The following GGTA1 variants were observed in gnomAD, a reference collection of about 807,000 sequenced individuals.
GGTA1 encodes the protein glycoprotein alpha-galactosyltransferase 1 (inactive), also known as inactive N-acetyllactosaminide alpha-1,3-galactosyltransferase.
In GGTA1, 5 loss-of-function variants were observed where a neutral mutation model predicts 2.6. That is an observed-to-expected ratio of 1.92 (90% CI 1.00 to 4.04). GGTA1 has a LOEUF of 4.04. Ranked by LOEUF, GGTA1 falls within the 30% of genes most tolerant of loss-of-function variation. The probability of loss-of-function intolerance (pLI) is 0.00; values close to 1 mark genes in which losing one functional copy is unlikely to be tolerated. For synonymous variants in GGTA1, 17 were observed against 5.0 expected (o/e 3.38, Z -3.19); for missense variants, 50 against 16.7 (o/e 2.99, Z -3.47).
chr9:121,482,263 A>G (rs1828669429), intron 1 of GGTA1, among the ~76,000 whole-genome samples: 1 of 151,474 alleles, frequency 6.6e-6, no homozygotes, highest in Admixed American at 6.6e-5. Flanking sequence ...AGCCCAGGAG[A>G]TGGAGACCAG....
intron 1 of GGTA1, among the ~76,000 whole-genome samples, chr9:121,479,805 C>A (rs1258758178): frequency 6.6e-6 from 1 of 152,166 alleles, no homozygotes; most frequent in East Asian, 1.9e-4. Flanking sequence ...AAAGTTAAGT[C>A]CTTCCTCTAC....
At chr9:121,475,408 C>A (rs945758133) in intron 1 of GGTA1, among the ~76,000 whole-genome samples, 1 of 152,144 alleles carries the variant, frequency 6.6e-6, no homozygotes. Flanking sequence ...AGCAGCCATT[C>A]TTTTATTCCT....
At chr9:121,465,692 C>A (rs1348950913) in intron 2 of GGTA1, among the ~76,000 whole-genome samples, 2 of 152,090 alleles carry the variant, frequency 1.3e-5, no homozygotes, top group Non-Finnish European at 2.9e-5. Flanking sequence ...TCTTGGACTC[C>A]CCAGCCTCTA....
intron 1 of GGTA1, among the ~76,000 whole-genome samples, chr9:121,492,955 C>T (rs1828901288): frequency 6.6e-6 from 1 of 151,716 alleles, no homozygotes; most frequent in Admixed American, 6.6e-5. Context: ...ACCAGCCTGG[C>T]CAACATGGGG....
At chr9:121,462,412 CA>C (rs2064968073) in intron 3 of GGTA1, among the ~76,000 whole-genome samples, 1 of 152,102 alleles carries the variant, frequency 6.6e-6, no homozygotes, top group Non-Finnish European at 1.5e-5. Flanking sequence ...GTCCGATGGA[CA>C]AATACGGTGG....
intron 5 of GGTA1, 77 bp downstream of exon 5, chr9:121,460,027 A>C: frequency 4.5e-6 from 2 of 440,956 alleles, no homozygotes; most frequent in South Asian, 3.3e-5. Context: ...TCTCAATGGC[A>C]CTGTTGCCTC....
chr9:121,479,083 G>A (rs1458612015), intron 1 of GGTA1: 11 of 456,434 alleles, frequency 2.4e-5, no homozygotes, highest in East Asian at 7.0e-5. Flanking sequence ...TCCCTGAGCC[G>A]GCATCCTTCT....
At chr9:121,478,783 T>C (rs1348164080) in intron 1 of GGTA1, among the ~76,000 whole-genome samples, 1 of 152,176 alleles carries the variant, frequency 6.6e-6, no homozygotes, top group African/African-American at 2.4e-5. Flanking sequence ...TTCTCTCGAA[T>C]CCCCTTTGGG....
At chr9:121,454,783 C>T (rs1156430929), downstream of GGTA1, among the ~76,000 whole-genome samples, 4 of 152,096 alleles carry the variant, frequency 2.6e-5, no homozygotes, top group South Asian at 2.1e-4. Flanking sequence ...GAGGCCAAGG[C>T]GGGTGGATCA....
intron 2 of GGTA1, among the ~76,000 whole-genome samples, chr9:121,465,019 C>CA (rs1175876346): frequency 9.0e-5 from 12 of 132,758 alleles, no homozygotes; most frequent in Non-Finnish European, 2.0e-4. Context: ...AAAAAAAAAA[C>CA]AAAAAACAAC....
In GGTA1 at chr9:121,455,479, T is replaced by G. The variant is rs1387640334; in HGVS notation, c.*358A>C. On this transcript the variant is annotated 3_prime_UTR_variant, in exon 6 of 6. Transcript: ENST00000481799. ...AGTGCTTGACTTTTATTCTCTCATT[T>G]GATCTTCATGACCATTCTATGAAGT... is the stretch of plus-strand genomic sequence containing the variant. 6.5e-6 allele frequency: 1 copy of G among 154,412 alleles called. No individual in the cohort carries two copies. The highest frequency in any genetic ancestry group is 1.4e-5 in the Non-Finnish European group (1 of 69,202). The allele number at this position is 154,412 out of a possible 1,614,324, so 9.6% of individuals were successfully genotyped here.
intron 3 of GGTA1, chr9:121,462,571 G>A (rs982718747): frequency 6.6e-6 from 1 of 151,996 alleles, no homozygotes; most frequent in Non-Finnish European, 1.5e-5. Flanking sequence ...AACAGAAAGA[G>A]ATACATTGAT....
intron 1 of GGTA1, among the ~76,000 whole-genome samples, chr9:121,486,796 T>C (rs73661737): frequency 2.1e-3 from 314 of 152,374 alleles, no homozygotes; most frequent in African/African-American, 7.2e-3. Context: ...GGCTAGAATA[T>C]GTCCAGCATG....
intron 2 of GGTA1, among the ~76,000 whole-genome samples, chr9:121,467,339 C>T (rs1466858164): frequency 1.3e-5 from 2 of 152,190 alleles, no homozygotes; most frequent in South Asian, 2.1e-4. Context: ...CACCCACACA[C>T]ACTCTCTCTC....
chr9:121,445,283 TTTTTCAAAGCCCTGCTTTTTCC>T (rs1190901978), exon 8 of GGTA1: 9 of 152,334 alleles, frequency 5.9e-5, no homozygotes, highest in African/African-American at 2.2e-4. Context: ...TGTGATCTAC[TTTTTCAAAGCCCTGCTTTTTCC>T]TTTTCAAAGC....
chr9:121,482,162 C>T (rs1828667472), intron 1 of GGTA1, among the ~76,000 whole-genome samples: 1 of 150,338 alleles, frequency 6.7e-6, no homozygotes, highest in Admixed American at 6.6e-5. Flanking sequence ...CAGGGACAAT[C>T]TGTTGTGCTA....
At chr9:121,457,714 A>AAC (rs1479712964) in intron 5 of GGTA1, among the ~76,000 whole-genome samples, 10 of 150,228 alleles carry the variant, frequency 6.7e-5, no homozygotes, top group Admixed American at 1.3e-4. Flanking sequence ...AAAAAAAAAA[A>AAC]AACAGTATAT....
chr9:121,493,619 C>T (rs1828920598), intron 1 of GGTA1, among the ~76,000 whole-genome samples: 1 of 151,498 alleles, frequency 6.6e-6, no homozygotes, highest in Non-Finnish European at 1.5e-5. Context: ...TACTGTCAAC[C>T]CATTCTGATC....
chr9:121,496,842 T>G (rs1829005904), intron 1 of GGTA1, among the ~76,000 whole-genome samples: 1 of 148,298 alleles, frequency 6.7e-6, no homozygotes, highest in Non-Finnish European at 1.5e-5. Flanking sequence ...GGAGACAGAA[T>G]GAGACTCTGT....
Sources: gnomAD v4.1 joint callset for allele counts (sites outside exome capture counted in the v4.1 genomes callset) on GRCh38, gnomAD v4.1.1 for gene constraint, MANE v1.5 for transcripts, NCBI Gene and HGNC (gene_info 2026-07-23, HGNC 2026-07-21) for gene names.